DKK1: variants seen among roughly 807,000 people sequenced by gnomAD.
DKK1 encodes dickkopf-related protein 1.
Under a neutral mutation model 26.0 loss-of-function variants are expected in DKK1, and 18 were observed. That is an observed-to-expected ratio of 0.69 (90% CI 0.48 to 1.03). DKK1 has a LOEUF of 1.03. DKK1 is among the 50% of genes least tolerant of loss of function. The pLI is 0.00. For synonymous variants in DKK1, 130 were observed against 132.6 expected, an observed-to-expected ratio of 0.98 and a Z score of 0.13; for missense variants, 335 against 348.5, an observed-to-expected ratio of 0.96 and a Z score of 0.31.
In DKK1 at chr10:52,316,365, T is replaced by A; in HGVS notation, c.477T>A (p.Gly159=). The change falls in exon 3 of 4, where the codon GGT becomes GGA. Residue 159 remains glycine (G), a synonymous_variant. Transcript: ENST00000373970. ...AGGAAACCATCACTGAAAGCTTTGG[T>A]AATGATCATAGCACCTTGGATGGGT... is the stretch of plus-strand genomic sequence containing the variant. The part of the protein sequence containing the change: ...EIEETITESF[G]NDHSTLDGYS... The A allele has an allele frequency of 6.2e-7, 1 of 1,614,206 alleles. No homozygotes were observed. The highest frequency in any genetic ancestry group is 8.5e-7 in the Non-Finnish European group (1 of 1,180,036).
Position 52,314,844 on chromosome 10 carries a change from T to C in DKK1, c.244-79T>C. On this transcript the variant is annotated intron_variant, in intron 1 of 3. Coordinates refer to ENST00000373970, the MANE Select transcript of DKK1 (RefSeq NM_012242.4). The surrounding 1 kb of genome is among the most constrained non-coding windows in gnomAD (Gnocchi z 5.7). ...TTTGGAGAGGTGGACAGATAAGGACTGTGATCAGCGCCCGGGTCCAAGAGG... is the reference window on the plus strand; with the variant it reads ...TTTGGAGAGGTGGACAGATAAGGACCGTGATCAGCGCCCGGGTCCAAGAGG... The C allele has an allele frequency of 6.8e-7, 1 of 1,462,326 alleles. No individual in the cohort carries two copies. The highest frequency in any genetic ancestry group is 2.6e-5 in the Admixed American group (1 of 38,300). The allele number at this position is 1,462,326 out of a possible 1,614,324, so 90.6% of individuals were successfully genotyped here. A position where few individuals can be genotyped will look rare whatever the true frequency, so the allele number is the denominator to read the frequency against.
chr10:52,314,638 C>A lies in DKK1; in HGVS notation c.204C>A (p.Tyr68Ter). The change falls in exon 1 of 4, where the codon TAC becomes TAA. Residue 68 changes from tyrosine (Y) to a stop codon, truncating the protein, a stop_gained. Coordinates refer to ENST00000373970, the MANE Select transcript of DKK1 (RefSeq NM_012242.4). LOFTEE classifies it high-confidence loss of function. The surrounding 1 kb of genome is among the most constrained non-coding windows in gnomAD (Gnocchi z 5.7). ...SAVSAAPGIL[Y>*]PGGNKYQTID... ...TCAGCGCCGCGCCGGGAATCCTGTA[C>A]CCGGGCGGGAATAAGTACCAGACCA... 6.2e-7 allele frequency: 1 copy of A among 1,613,242 alleles called. No individual in the cohort carries two copies. Among genetic ancestry groups the A allele is most frequent in the Non-Finnish European group, 8.5e-7 (1 of 1,179,974 alleles).
rs571172078 is a variant in DKK1, at chr10:52,315,103, C to T, written c.406+18C>T. 17 of 1,422,396 alleles carry T rather than the reference C, an allele frequency of 1.2e-5. No homozygotes were observed. Among genetic ancestry groups the T allele is most frequent in the Non-Finnish European group, 1.5e-5 (16 of 1,070,690 alleles). 88.1% of individuals were successfully genotyped at this position (1,422,396 alleles called of 1,614,324 possible). ...CAAAAATGGTGAGTCCTGAAAGCTC[C>T]CTTTCACACTAAAACTGTCCAGCCT... On this transcript the variant is annotated intron_variant, in intron 2 of 3. Transcript: ENST00000373970.
Position 52,316,711 on chromosome 10 carries a change from G to T in DKK1, c.705G>T (p.Gln235His), listed in dbSNP as rs1277587957. ...RKGSHGLEIF[Q>H]RCYCGEGLSC... ...GCTCTCATGGACTAGAAATATTCCAGCGTTGTTACTGTGGAGAAGGTCTGT... is the reference window on the plus strand; with the variant it reads ...GCTCTCATGGACTAGAAATATTCCATCGTTGTTACTGTGGAGAAGGTCTGT... The change falls in exon 4 of 4, where the codon CAG (glutamine) becomes CAT (histidine). Residue 235 changes from glutamine (Q) to histidine (H), a missense_variant. Coordinates refer to ENST00000373970, the MANE Select transcript of DKK1 (RefSeq NM_012242.4). The T allele has an allele frequency of 6.2e-7, 1 of 1,614,144 alleles. No homozygotes were observed. The highest frequency in any genetic ancestry group is 1.7e-5 in the Admixed American group (1 of 60,022).
At chr10:52,315,767 G>C (rs1842610702) in intron 2 of DKK1, among the ~76,000 whole-genome samples, 1 of 152,126 alleles carries the variant, frequency 6.6e-6, no homozygotes, top group South Asian at 2.1e-4. Context: ...AGCTAACAGG[G>C]CGACGACCCT....
rs573985230 is a variant in DKK1, at chr10:52,317,059, A to G, written c.*252A>G. 1 of 468,298 alleles carries G rather than the reference A, an allele frequency of 2.1e-6. No individual in the cohort carries two copies. The highest frequency in any genetic ancestry group is 3.0e-5 in the South Asian group (1 of 33,472). 29.0% of individuals were successfully genotyped at this position (468,298 alleles called of 1,614,324 possible). A position where few individuals can be genotyped will look rare whatever the true frequency, so the allele number is the denominator to read the frequency against. On this transcript the variant is annotated 3_prime_UTR_variant, in exon 4 of 4. Transcript: ENST00000373970. The stretch of plus-strand genomic sequence containing the variant: ...TGTAAATGCAATGAAACTTTTAATT[A>G]TTTTTCTAAAGGTGCTGCACTGCCT...
At position 52,315,000 on chromosome 10, in the gene DKK1, C is replaced by T; in HGVS notation, c.321C>T (p.Gly107=). The part of the protein sequence containing the change: ...CASPTRGGDA[G]VQICLACRKR... ...GTCCCACCCGCGGAGGGGACGCAGG[C>T]GTGCAAATCTGTCTCGCCTGCAGGA... The change falls in exon 2 of 4, where the codon GGC becomes GGT. Residue 107 remains glycine (G), a synonymous_variant. Transcript: ENST00000373970. The surrounding 1 kb of genome is among the most constrained non-coding windows in gnomAD (Gnocchi z 5.7). 1 of 1,605,184 alleles carries T rather than the reference C, an allele frequency of 6.2e-7. No individual in the cohort carries two copies. Among genetic ancestry groups the T allele is most frequent in the Non-Finnish European group, 8.5e-7 (1 of 1,173,746 alleles).
At position 52,317,600 on chromosome 10, in the gene DKK1, A is replaced by G. The variant is rs2132488225; in HGVS notation, c.*793A>G. On this transcript the variant is annotated 3_prime_UTR_variant, in exon 4 of 4. Coordinates refer to ENST00000373970, the MANE Select transcript of DKK1 (RefSeq NM_012242.4). ...AAACTCAAATGATCATGGCAGAATG[A>G]GAGTGAATCTTACATTACTACTTTC... 6.6e-6 allele frequency: 1 copy of G among 152,360 alleles called. No homozygotes were observed. Among genetic ancestry groups the G allele is most frequent in the African/African-American group, 2.4e-5 (1 of 41,584 alleles). 9.4% of individuals were successfully genotyped at this position (152,360 alleles called of 1,614,324 possible). A position where few individuals can be genotyped will look rare whatever the true frequency, so the allele number is the denominator to read the frequency against.
In DKK1 at chr10:52,316,708, C is replaced by T. The variant is rs766800032; in HGVS notation, c.702C>T (p.Phe234=). Residue 234 remains phenylalanine, a synonymous_variant, in exon 4 of 4, where the codon TTC becomes TTT. Coordinates refer to ENST00000373970, the MANE Select transcript of DKK1 (RefSeq NM_012242.4). ...RRKGSHGLEI[F]QRCYCGEGLS... ...AAGGCTCTCATGGACTAGAAATATT[C>T]CAGCGTTGTTACTGTGGAGAAGGTC... 3 of 1,614,120 alleles carry T rather than the reference C, an allele frequency of 1.9e-6. No individual in the cohort carries two copies. The highest frequency in any genetic ancestry group is 2.2e-5 in the East Asian group (1 of 44,876).
In DKK1 at chr10:52,316,886, C is replaced by A. The variant is rs1842623102; in HGVS notation, c.*79C>A. ...CTTTTATGACCTTCATCAACTCAAT[C>A]CTAAGGATATACAAGTTCTGTGGTT... On this transcript the variant is annotated 3_prime_UTR_variant, in exon 4 of 4. Coordinates refer to ENST00000373970, the MANE Select transcript of DKK1 (RefSeq NM_012242.4). 2.0e-6 allele frequency: 3 copies of A among 1,494,404 alleles called. No homozygotes were observed. Among genetic ancestry groups the A allele is most frequent in the Non-Finnish European group, 2.7e-6 (3 of 1,101,116 alleles). The allele number at this position is 1,494,404 out of a possible 1,614,324, so 92.6% of individuals were successfully genotyped here.
In DKK1 at chr10:52,316,745, A is replaced by G. The variant is rs750202333; in HGVS notation, c.739A>G (p.Ile247Val). 6.2e-7 allele frequency: 1 copy of G among 1,614,196 alleles called. No individual in the cohort carries two copies. The highest frequency in any genetic ancestry group is 8.5e-7 in the Non-Finnish European group (1 of 1,180,014). The change falls in exon 4 of 4, where the codon ATA becomes GTA. Residue 247 changes from isoleucine (I) to valine (V), a missense_variant. Physicochemically the swap from Ile to Val is conservative, Grantham distance 29. Transcript: ENST00000373970. ...CTGTGGAGAAGGTCTGTCTTGCCGG[A>G]TACAGAAAGATCACCATCAAGCCAG... The part of the protein sequence containing the change: ...CYCGEGLSCR[I>V]QKDHHQASNS...
Position 52,314,791 on chromosome 10 carries a change from C to A in DKK1, c.243+114C>A. On this transcript the variant is annotated intron_variant, in intron 1 of 3. Transcript: ENST00000373970. This position sits in a 1 kb window ranked among gnomAD's most constrained non-coding sequence, Gnocchi z 5.7. ...GTTCAGGGAGCATTTGGTAACCCTG[C>A]ATTTGGGAGCAGTGGGCAGTAACAG... The A allele has an allele frequency of 1.3e-6, 2 of 1,509,888 alleles. No homozygotes were observed. The highest frequency in any genetic ancestry group is 2.2e-5 in the Admixed American group (1 of 46,090). 93.5% of individuals were successfully genotyped at this position (1,509,888 alleles called of 1,614,324 possible).
At chr10:52,315,214 T>A (rs997072790) in intron 2 of DKK1, 129 bp downstream of exon 2, 16 of 829,866 alleles carry the variant, frequency 1.9e-5, no homozygotes, top group Admixed American at 1.4e-4. Flanking sequence ...CGGCGCCACC[T>A]GCAAATGGGT....
chr10:52,316,885 TC>T lies in DKK1; in HGVS notation c.*80del. 1 of 1,500,106 alleles carries T rather than the reference TC, an allele frequency of 6.7e-7. No individual in the cohort carries two copies. The highest frequency in any genetic ancestry group is 9.0e-7 in the Non-Finnish European group (1 of 1,105,996). 92.9% of individuals were successfully genotyped at this position (1,500,106 alleles called of 1,614,324 possible). ...CCTTTTATGACCTTCATCAACTCAA[TC>T]CTAAGGATATACAAGTTCTGTGGTT... On this transcript the variant is annotated 3_prime_UTR_variant, in exon 4 of 4. Coordinates refer to ENST00000373970, the MANE Select transcript of DKK1 (RefSeq NM_012242.4).
Position 52,314,874 on chromosome 10 carries a change from G to T in DKK1, c.244-49G>T. ...TCAGCGCCCGGGTCCAAGAGGGCGG[G>T]TACCTGGACGTCTGGGTGCCTCACC... On this transcript the variant is annotated intron_variant, in intron 1 of 3. Coordinates refer to ENST00000373970, the MANE Select transcript of DKK1 (RefSeq NM_012242.4). This position sits in a 1 kb window ranked among gnomAD's most constrained non-coding sequence, Gnocchi z 5.7. The T allele has an allele frequency of 6.8e-7, 1 of 1,463,120 alleles. No homozygotes were observed. Among genetic ancestry groups the T allele is most frequent in the Non-Finnish European group, 9.1e-7 (1 of 1,103,518 alleles). The allele number at this position is 1,463,120 out of a possible 1,614,324, so 90.6% of individuals were successfully genotyped here.
chr10:52,315,291 T>C (rs149401586), intron 2 of DKK1: 108 of 460,148 alleles, frequency 2.3e-4, no homozygotes, highest in African/African-American at 2.0e-3. Context: ...AAGAGAGAAG[T>C]TGGGAGGTCT....
At position 52,316,731 on chromosome 10, in the gene DKK1, G is replaced by C. The variant is rs1564557063; in HGVS notation, c.725G>C (p.Gly242Ala). 6.2e-7 allele frequency: 1 copy of C among 1,614,162 alleles called. No homozygotes were observed. The highest frequency in any genetic ancestry group is 2.2e-5 in the East Asian group (1 of 44,882). ...TTCCAGCGTTGTTACTGTGGAGAAG[G>C]TCTGTCTTGCCGGATACAGAAAGAT... ...EIFQRCYCGEGLSCRIQKDHH... is the reference protein window; with the variant it reads ...EIFQRCYCGEALSCRIQKDHH... Residue 242 changes from glycine to alanine, a missense_variant, in exon 4 of 4, where the codon GGT becomes GCT. Physicochemically the swap from Gly to Ala is moderately conservative, Grantham distance 60. Coordinates refer to ENST00000373970, the MANE Select transcript of DKK1 (RefSeq NM_012242.4).
intron 2 of DKK1, among the ~76,000 whole-genome samples, chr10:52,315,706 T>A (rs1156652866): frequency 6.6e-6 from 1 of 152,142 alleles, no homozygotes; most frequent in Non-Finnish European, 1.5e-5. Context: ...TCCACTAACT[T>A]TTAATTTTTC....
At position 52,316,847 on chromosome 10, in the gene DKK1, G is replaced by A. The variant is rs1291472573; in HGVS notation, c.*40G>A. On this transcript the variant is annotated 3_prime_UTR_variant, in exon 4 of 4. Coordinates refer to ENST00000373970, the MANE Select transcript of DKK1 (RefSeq NM_012242.4). ...TGCAGTGAACTCCTTTTATATAATA[G>A]ATGCTATGAAAACCTTTTATGACCT... is the stretch of plus-strand genomic sequence containing the variant. 6.3e-7 allele frequency: 1 copy of A among 1,598,160 alleles called. No individual in the cohort carries two copies. Among genetic ancestry groups the A allele is most frequent in the East Asian group, 2.2e-5 (1 of 44,786 alleles).
Sources: allele counts gnomAD v4.1 joint callset (sites outside exome capture counted in the v4.1 genomes callset), GRCh38; gene constraint gnomAD v4.1.1; non-coding constraint Gnocchi (gnomAD v3.1); transcripts MANE v1.5; gene names NCBI Gene and HGNC (gene_info 2026-07-23, HGNC 2026-07-21).